ADGRA3: variants seen among roughly 807,000 people sequenced by gnomAD.
ADGRA3 encodes the protein G-protein coupled receptor 125.
Under a neutral mutation model 119.8 loss-of-function variants are expected in ADGRA3, and 56 were observed. The observed-to-expected ratio is 0.47, with a 90% CI of 0.38 to 0.58. The LOEUF (loss-of-function observed/expected upper bound fraction) is 0.58, where lower values mean the gene tolerates loss of function less well. Among genes scored for constraint, ADGRA3 ranks in the 20% least tolerant of loss-of-function variants. The pLI is 0.00. For synonymous variants in ADGRA3, 607 were observed against 623.8 expected (o/e 0.97, Z 0.40); for missense variants, 1,516 against 1,649.0 (o/e 0.92, Z 1.40).
Position 22,468,107 on chromosome 4 carries a change from A to G in ADGRA3, c.329+5665T>C, listed in dbSNP as rs74392164. Among the ~76,000 whole-genome samples the G allele has an allele frequency of 9.2e-3, 1,396 of 152,322 alleles. 39 individuals are homozygous for G. Among genetic ancestry groups the G allele is most frequent in the East Asian group, 0.052 (269 of 5,176 alleles). On this transcript the variant is annotated intron_variant, in intron 2 of 18. Coordinates refer to ENST00000334304, the MANE Select transcript of ADGRA3 (RefSeq NM_145290.4). ...CTCAGATCCACCATCCTCAGAATGTAACTGTGCCTTCAGGCTGAGCCTATG... is the reference window on the plus strand; with the variant it reads ...CTCAGATCCACCATCCTCAGAATGTGACTGTGCCTTCAGGCTGAGCCTATG...
At chr4:22,515,458 C>T in intron 1 of ADGRA3, 70 bp downstream of exon 1, 1 of 1,554,088 alleles carries the variant, frequency 6.4e-7, no homozygotes, top group South Asian at 1.2e-5. Flanking sequence ...CTGGACCCTG[C>T]TCCAAAGTTG....
intron 1 of ADGRA3, among the ~76,000 whole-genome samples, chr4:22,505,302 G>A (rs2109178000): frequency 6.6e-6 from 1 of 152,296 alleles, no homozygotes; most frequent in South Asian, 2.1e-4. Context: ...CCTTTGGCAA[G>A]GTTGTTCTTA....
chr4:22,485,657 A>G (rs975901363), intron 1 of ADGRA3, among the ~76,000 whole-genome samples: 1 of 152,174 alleles, frequency 6.6e-6, no homozygotes, highest in South Asian at 2.1e-4. Context: ...GGATTTCTTT[A>G]GCACACATGA....
intron 1 of ADGRA3, among the ~76,000 whole-genome samples, chr4:22,477,286 G>A (rs7691496): frequency 4.5e-4 from 68 of 152,142 alleles, no homozygotes; most frequent in East Asian, 2.5e-3. Context: ...TTTTAACTGC[G>A]ACCCCACAAG....
chr4:22,388,850 GAA>G lies in ADGRA3; in HGVS notation c.2819_2820del (p.Ile940ThrfsTer7). 2 of 1,613,982 alleles carry G rather than the reference GAA, an allele frequency of 1.2e-6. No homozygotes were observed. Among genetic ancestry groups the G allele is most frequent in the Non-Finnish European group, 1.7e-6 (2 of 1,179,948 alleles). On this transcript the variant is annotated frameshift_variant, in exon 19 of 19. Coordinates refer to ENST00000334304, the MANE Select transcript of ADGRA3 (RefSeq NM_145290.4). LOFTEE classifies it high-confidence loss of function. ...TTGCGCTCAGGGTGTCTTTTCAACT[GAA>G]TAAATATGCTCAGAAAGTACATGCA... ...VNCMYFLSIFIQLKRHPERKY... is the reference protein window; with the variant it reads ...VNCMYFLSIFXQLKRHPERKY...
At chr4:22,421,881 C>CCAAAAAAAAAAAAAAA (rs767609157) in intron 11 of ADGRA3, among the ~76,000 whole-genome samples, 3 of 70,442 alleles carry the variant, frequency 4.3e-5, no homozygotes, top group African/African-American at 1.9e-4. Flanking sequence ...ACTCAGTCTC[C>CCAAAAAAAAAAAAAAA]AAAAAAAAAA....
At chr4:22,449,530 A>G (rs757812756) in intron 4 of ADGRA3, among the ~76,000 whole-genome samples, 4 of 152,084 alleles carry the variant, frequency 2.6e-5, no homozygotes, top group Non-Finnish European at 5.9e-5. Flanking sequence ...TTAGAAATAA[A>G]TATCTATCCT....
intron 17 of ADGRA3, among the ~76,000 whole-genome samples, chr4:22,391,812 C>T (rs1457300817): frequency 6.6e-6 from 1 of 152,218 alleles, no homozygotes; most frequent in Admixed American, 6.5e-5. Context: ...TCACTCTTCA[C>T]TTCTACACTT....
intron 5 of ADGRA3, among the ~76,000 whole-genome samples, chr4:22,445,879 G>C (rs1716811883): frequency 6.6e-6 from 1 of 152,208 alleles, no homozygotes; most frequent in East Asian, 1.9e-4. Flanking sequence ...AAACAAAGCT[G>C]AGATATAAGC....
At chr4:22,422,825 T>C (rs764355426) in intron 11 of ADGRA3, among the ~76,000 whole-genome samples, 5 of 151,910 alleles carry the variant, frequency 3.3e-5, no homozygotes, top group Non-Finnish European at 5.9e-5. Context: ...ATGGCGGAGG[T>C]GGACATAAAT....
intron 1 of ADGRA3, among the ~76,000 whole-genome samples, chr4:22,491,569 T>A (rs1335465432): frequency 6.6e-6 from 1 of 152,100 alleles, no homozygotes; most frequent in African/African-American, 2.4e-5. Context: ...ACCCACGATA[T>A]CTGGTCAAAC....
At chr4:22,502,845 T>C (rs1719096913) in intron 1 of ADGRA3, among the ~76,000 whole-genome samples, 1 of 147,946 alleles carries the variant, frequency 6.8e-6, no homozygotes, top group Non-Finnish European at 1.5e-5. Flanking sequence ...CATGACAGAT[T>C]CATCCTGCAT....
intron 10 of ADGRA3, among the ~76,000 whole-genome samples, chr4:22,429,381 T>G (rs10938897): frequency 0.67 from 101,124 of 151,970 alleles, 34,425 homozygotes; most frequent in Non-Finnish European, 0.74. Context: ...GGAAAATAGA[T>G]CCTCCTCCAA....
chr4:22,507,890 A>G (rs1719300564), intron 1 of ADGRA3, among the ~76,000 whole-genome samples: 2 of 152,188 alleles, frequency 1.3e-5, no homozygotes, highest in Admixed American at 6.5e-5. Flanking sequence ...GAATATACCC[A>G]TCCTTGAATC....
intron 1 of ADGRA3, among the ~76,000 whole-genome samples, chr4:22,490,929 T>A (rs1169206755): frequency 1.3e-5 from 2 of 151,968 alleles, no homozygotes; most frequent in Admixed American, 1.3e-4. Flanking sequence ...GATCCTCTAG[T>A]CAGGTGTAAA....
intron 10 of ADGRA3, among the ~76,000 whole-genome samples, chr4:22,427,228 G>A (rs1330631745): frequency 6.6e-6 from 1 of 152,092 alleles, no homozygotes; most frequent in African/African-American, 2.4e-5. Flanking sequence ...TGATTTTATT[G>A]TAAGGCACCA....
rs181375154 is a variant in ADGRA3, at chr4:22,388,914, G to A, written c.2757C>T (p.Ala919=). The A allele has an allele frequency of 9.3e-6, 15 of 1,614,060 alleles. No homozygotes were observed. In the East Asian group the frequency reaches 2.0e-4, roughly 22 times the overall value. The change falls in exon 19 of 19, where the codon GCC becomes GCT. Residue 919 remains alanine (A), a synonymous_variant. Transcript: ENST00000334304. ...CWMAWEPSLG[A]FYGPASFITF... Reference sequence around the variant, plus strand: ...TGATGAAGCTGGCTGGCCCATAGAAGGCTCCCAAGGAGGGTTCCCATGCCA... The same window carrying A: ...TGATGAAGCTGGCTGGCCCATAGAAAGCTCCCAAGGAGGGTTCCCATGCCA...
At chr4:22,409,845 A>C (rs1038509487) in intron 14 of ADGRA3, among the ~76,000 whole-genome samples, 2 of 152,228 alleles carry the variant, frequency 1.3e-5, no homozygotes, top group African/African-American at 4.8e-5. Flanking sequence ...GGGTCTCCTC[A>C]ACAATACGCG....
At chr4:22,474,135 A>T (rs140689675) in intron 1 of ADGRA3, among the ~76,000 whole-genome samples, 11 of 152,354 alleles carry the variant, frequency 7.2e-5, no homozygotes, top group African/African-American at 2.6e-4. Flanking sequence ...AAGCATAAAC[A>T]ATACCATAGC....
Sources: gnomAD v4.1 joint callset for allele counts (sites outside exome capture counted in the v4.1 genomes callset) on GRCh38, gnomAD v4.1.1 for gene constraint, MANE v1.5 for transcripts, NCBI Gene and HGNC (gene_info 2026-07-23, HGNC 2026-07-21) for gene names.